Variants in ULK4 observed in about 807,000 individuals in gnomAD.
ULK4 encodes inactive serine/threonine-protein kinase ULK4.
A neutral mutation model predicts 160.6 loss-of-function variants in ULK4; 133 were observed. The ratio of observed to expected loss-of-function variants is 0.83; its 90% CI spans 0.72 to 0.96. The LOEUF is 0.96. Ranked by LOEUF, ULK4 falls within the 40% of genes least tolerant of loss-of-function variation. ULK4 has a pLI of 0.00. For missense variants in ULK4, 1,580 were observed against 1,499.5 expected (o/e 1.05, Z -0.89); for synonymous variants, 534 against 539.8 (o/e 0.99, Z 0.15).
chr3:41,844,506 G>A lies in ULK4; in HGVS notation c.1657-8535C>T, dbSNP rs572123803. On this transcript the variant is annotated intron_variant, in intron 17 of 36. Coordinates refer to ENST00000301831, the MANE Select transcript of ULK4 (RefSeq NM_017886.4). Reference sequence around the variant, plus strand: ...GCCCACCCAGAACTCCAGCTGGCCCGCAAGCACCCCACACAGCCCCGGTTG... The same window carrying A: ...GCCCACCCAGAACTCCAGCTGGCCCACAAGCACCCCACACAGCCCCGGTTG... Among the ~76,000 whole-genome samples, 18 of 152,196 alleles carry A rather than the reference G, an allele frequency of 1.2e-4. No individual in the cohort carries two copies. The South Asian group carries it at 1.7e-3, about 14-fold the overall frequency.
At chr3:41,590,065 C>G (rs977567660) in intron 31 of ULK4, among the ~76,000 whole-genome samples, 1 of 151,674 alleles carries the variant, frequency 6.6e-6, no homozygotes, top group Non-Finnish European at 1.5e-5. Context: ...TACAGTGGCG[C>G]GATCTCGGCT....
In ULK4 at chr3:41,388,551, C is replaced by G. The variant is rs200364899; in HGVS notation, c.3678+9528G>C. On this transcript the variant is annotated intron_variant, in intron 35 of 36. Transcript: ENST00000301831. Reference sequence around the variant, plus strand: ...TAATCCATCTTGAATTAATTTTTGTCTAAGGTGTAAGGAAGGGATCAAGTT... The same window carrying G: ...TAATCCATCTTGAATTAATTTTTGTGTAAGGTGTAAGGAAGGGATCAAGTT... Among the ~76,000 whole-genome samples the G allele has an allele frequency of 5.2e-3, 782 of 151,650 alleles. 2 individuals carry two copies. Among genetic ancestry groups the G allele is most frequent in the African/African-American group, 0.012 (500 of 41,244 alleles).
chr3:41,955,160 C>T (rs564480765), intron 1 of ULK4, among the ~76,000 whole-genome samples: 1 of 152,234 alleles, frequency 6.6e-6, no homozygotes, highest in East Asian at 1.9e-4. Flanking sequence ...TGTTGTGATG[C>T]GCGCCTGTAA....
intron 18 of ULK4, among the ~76,000 whole-genome samples, chr3:41,830,921 C>T (rs1277186544): frequency 6.6e-6 from 1 of 151,928 alleles, no homozygotes; most frequent in African/African-American, 2.4e-5. Context: ...ATAAATTCTC[C>T]AGCCCTATCC....
Position 41,526,588 on chromosome 3 carries a change from A to G in ULK4, c.3226+39437T>C, listed in dbSNP as rs143451213. Among the ~76,000 whole-genome samples, 22 of 152,344 alleles carry G rather than the reference A, an allele frequency of 1.4e-4. 1 individual carries two copies. In the East Asian group the frequency reaches 4.2e-3, roughly 29 times the overall value. ...AATGCCCTTGCAATTCTGAAGAGTT[A>G]TCACCATAGGGACATCACTGCCTGG... On this transcript the variant is annotated intron_variant, in intron 32 of 36. Coordinates refer to ENST00000301831, the MANE Select transcript of ULK4 (RefSeq NM_017886.4).
At chr3:41,932,116 C>A in intron 4 of ULK4, 110 bp from the exon 5 acceptor site, 1 of 881,980 alleles carries the variant, frequency 1.1e-6, no homozygotes, top group Non-Finnish European at 1.6e-6. Flanking sequence ...TATTCTTTAT[C>A]AGAACTCAGA....
At chr3:41,605,263 C>A (rs1267545889) in intron 31 of ULK4, among the ~76,000 whole-genome samples, 2 of 151,428 alleles carry the variant, frequency 1.3e-5, no homozygotes, top group Non-Finnish European at 2.9e-5. Context: ...ATAATAATAT[C>A]AAAAATTGTA....
chr3:41,420,471 C>CTTTCTTTTT (rs1646621076), intron 34 of ULK4, among the ~76,000 whole-genome samples: 1 of 63,248 alleles, frequency 1.6e-5, no homozygotes, highest in Non-Finnish European at 3.1e-5. Context: ...TTTTCCAGTT[C>CTTTCTTTTT]TTTCTTTTTT....
intron 12 of ULK4, among the ~76,000 whole-genome samples, chr3:41,905,059 TG>T (rs1329728914): frequency 6.6e-6 from 1 of 152,210 alleles, no homozygotes; most frequent in Non-Finnish European, 1.5e-5. Flanking sequence ...AAAATTTTTT[TG>T]GAGGATTCAT....
At chr3:41,263,067 C>T (rs1207152531) in intron 35 of ULK4, among the ~76,000 whole-genome samples, 1 of 152,132 alleles carries the variant, frequency 6.6e-6, no homozygotes, top group Non-Finnish European at 1.5e-5. Flanking sequence ...TAGAAAAGCA[C>T]GAGAGCATAG....
intron 34 of ULK4, among the ~76,000 whole-genome samples, chr3:41,432,067 T>C (rs1222159072): frequency 6.6e-6 from 1 of 152,054 alleles, no homozygotes; most frequent in Non-Finnish European, 1.5e-5. Flanking sequence ...CTATTTCTTT[T>C]TTATTGTTGT....
At chr3:41,852,732 T>C (rs1265901993) in intron 17 of ULK4, among the ~76,000 whole-genome samples, 2 of 152,236 alleles carry the variant, frequency 1.3e-5, no homozygotes, top group African/African-American at 2.4e-5. Flanking sequence ...GCTAAACTCT[T>C]GGTGACCTCG....
At position 41,936,003 on chromosome 3, in the gene ULK4, G is replaced by T. The variant is rs1030803132; in HGVS notation, c.239-63C>A. 11 of 1,573,292 alleles carry T rather than the reference G, an allele frequency of 7.0e-6. No individual in the cohort carries two copies. The African/African-American group carries it at 1.4e-4, about 20-fold the overall frequency. ...CTACCATCACAGAGTGCCCCTGAGA[G>T]GTTCCACGCTGACAGATACGAACAT... On this transcript the variant is annotated intron_variant, in intron 3 of 36. Coordinates refer to ENST00000301831, the MANE Select transcript of ULK4 (RefSeq NM_017886.4).
rs1275576103 is a variant in ULK4 at position 41,715,553 on chromosome 3, G to A, written c.2471C>T (p.Ser824Phe). ...TTTACGTCCAGAAACATTAGCCAAG[G>A]AGTTAAGAATGTCACCTGTGAAGCA... ...LPRILGDILN[S>F]LANVSGRKHP... The change falls in exon 24 of 37, where the codon TCC becomes TTC. Residue 824 changes from serine (S) to phenylalanine (F), a missense_variant. Coordinates refer to ENST00000301831, the MANE Select transcript of ULK4 (RefSeq NM_017886.4). 10 of 1,614,116 alleles carry A rather than the reference G, an allele frequency of 6.2e-6. No individual in the cohort carries two copies. Among genetic ancestry groups the A allele is most frequent in the Non-Finnish European group, 8.5e-6 (10 of 1,180,006 alleles).
chr3:41,550,345 T>C (rs2087013785), intron 32 of ULK4, among the ~76,000 whole-genome samples: 1 of 152,082 alleles, frequency 6.6e-6, no homozygotes. Context: ...AGGTATAGAC[T>C]AGCTGAGTGA....
intron 27 of ULK4, among the ~76,000 whole-genome samples, chr3:41,683,922 T>C (rs533458008): frequency 6.6e-6 from 1 of 152,300 alleles, no homozygotes; most frequent in East Asian, 1.9e-4. Context: ...CTACAGACCC[T>C]GGGTGCTATC....
intron 35 of ULK4, among the ~76,000 whole-genome samples, chr3:41,362,826 T>C (rs56395153): frequency 0.039 from 5,894 of 152,268 alleles, 302 homozygotes; most frequent in East Asian, 0.19. Flanking sequence ...CCAGAACATC[T>C]CTGGGATAAG....
chr3:41,692,112 C>A lies in ULK4; in HGVS notation c.2782-10308G>T, dbSNP rs376046382. 2.1e-3 allele frequency among the ~76,000 whole-genome samples: 325 copies of A among 151,462 alleles called. 1 individual carries two copies. The highest frequency in any genetic ancestry group is 7.6e-3 in the African/African-American group (316 of 41,416). The stretch of plus-strand genomic sequence containing the variant: ...GACTACAGGCGCCCACCACCGCCCC[C>A]GGCTAATTTTTTGTATTTTTAGTAG... On this transcript the variant is annotated intron_variant, in intron 27 of 36. Transcript: ENST00000301831.
intron 32 of ULK4, among the ~76,000 whole-genome samples, chr3:41,539,798 C>A (rs1208186331): frequency 6.6e-6 from 1 of 152,112 alleles, no homozygotes; most frequent in Non-Finnish European, 1.5e-5. Flanking sequence ...CTCCTGTCCT[C>A]TGGGACTTTT....
Sources: gnomAD v4.1 joint callset for allele counts (sites outside exome capture counted in the v4.1 genomes callset) on GRCh38, gnomAD v4.1.1 for gene constraint, MANE v1.5 for transcripts, NCBI Gene and HGNC (gene_info 2026-07-23, HGNC 2026-07-21) for gene names.